Variants in HYDIN observed in about 807,000 individuals in gnomAD.
The protein encoded by HYDIN is HYDIN axonemal central pair apparatus protein.
In HYDIN, 132 loss-of-function variants were observed where a neutral mutation model predicts 403.9. The observed-to-expected ratio is 0.33, with a 90% CI of 0.28 to 0.38. The LOEUF (loss-of-function observed/expected upper bound fraction) is 0.38, where lower values mean the gene tolerates loss of function less well. HYDIN is among the 10% of genes least tolerant of loss of function. HYDIN has a pLI of 1.00. For missense variants in HYDIN, 2,827 were observed against 5,009.5 expected (o/e 0.56, Z 13.15); for synonymous variants, 1,202 against 1,891.7 (o/e 0.64, Z 9.46).
intron 78 of HYDIN, among the ~76,000 whole-genome samples, chr16:70,835,161 TA>T (rs1272617888): frequency 1.3e-5 from 2 of 151,652 alleles, no homozygotes; most frequent in African/African-American, 4.8e-5. Context: ...CATGCCTGGC[TA>T]ATTTTTTGTA....
In HYDIN at chr16:70,962,166, C is replaced by G. The variant is rs752104448; in HGVS notation, c.5789-28G>C. ...GCCAGGTAGCAAAGGATGAAAACAC[C>G]AGGGGAAGAGTTGGGAGGGGGACAA... On this transcript the variant is annotated intron_variant, in intron 37 of 85. Coordinates refer to ENST00000393567, the MANE Select transcript of HYDIN (RefSeq NM_001270974.2). 7.2e-5 allele frequency: 49 copies of G among 684,858 alleles called. No individual in the cohort carries two copies. The East Asian group carries it at 1.1e-3, about 16-fold the overall frequency. The allele number at this position is 684,858 out of a possible 1,614,324, so 42.4% of individuals were successfully genotyped here.
intron 83 of HYDIN, among the ~76,000 whole-genome samples, chr16:70,819,435 T>C (rs1432959857): frequency 6.6e-6 from 1 of 151,066 alleles, no homozygotes; most frequent in Non-Finnish European, 1.5e-5. Flanking sequence ...ATGAGGGAAC[T>C]GAGGCTTCGC....
chr16:71,068,172 A>C (rs6499428), intron 14 of HYDIN, among the ~76,000 whole-genome samples: 70,950 of 143,062 alleles, frequency 0.5, 21,581 homozygotes, highest in African/African-American at 0.84. Context: ...CTTTCAGAAG[A>C]CTTGTTATGA....
At chr16:71,011,210 G>C (rs2080071044) in intron 23 of HYDIN, among the ~76,000 whole-genome samples, 1 of 151,952 alleles carries the variant, frequency 6.6e-6, no homozygotes, top group Non-Finnish European at 1.5e-5. Flanking sequence ...GGAGTGCTTG[G>C]CATGTCTCAG....
At chr16:70,980,516 G>A (rs998522246) in intron 29 of HYDIN, among the ~76,000 whole-genome samples, 1 of 147,334 alleles carries the variant, frequency 6.8e-6, no homozygotes, top group African/African-American at 2.5e-5. Flanking sequence ...AAAAGAGACA[G>A]GGTCTTGCCT....
In HYDIN at chr16:70,834,152, C is replaced by T. The variant is rs551507837; in HGVS notation, c.13414G>A (p.Ala4472Thr). The T allele has an allele frequency of 1.5e-5, 24 of 1,613,838 alleles. No homozygotes were observed. Among genetic ancestry groups the T allele is most frequent in the South Asian group, 6.6e-5 (6 of 91,074 alleles). ...TTCAGTGTGATGTTGTGGAAGGGCGCCAGGGTAAGGACCTGAATGAAATAG... is the reference window on the plus strand; with the variant it reads ...TTCAGTGTGATGTTGTGGAAGGGCGTCAGGGTAAGGACCTGAATGAAATAG... ...ELQEPKVLTLAPFHNITLKPK... is the reference protein window; with the variant it reads ...ELQEPKVLTLTPFHNITLKPK... The change falls in exon 79 of 86, where the codon GCG becomes ACG. Residue 4472 changes from alanine (A) to threonine (T), a missense_variant. By Grantham distance (58) the Ala-to-Thr change is moderately conservative. Coordinates refer to ENST00000393567, the MANE Select transcript of HYDIN (RefSeq NM_001270974.2).
intron 10 of HYDIN, among the ~76,000 whole-genome samples, chr16:71,115,228 G>A (rs1030038306): frequency 7.2e-5 from 11 of 152,150 alleles, no homozygotes; most frequent in African/African-American, 2.2e-4. Flanking sequence ...GAGTTCTCAC[G>A]AGATCTGATG....
chr16:70,927,853 C>G (rs61482142), intron 45 of HYDIN, among the ~76,000 whole-genome samples: 4 of 151,638 alleles, frequency 2.6e-5, no homozygotes, highest in Non-Finnish European at 5.9e-5. Flanking sequence ...AACCTAGAGG[C>G]CTGCCTAGAA....
chr16:70,995,035 C>G (rs1450514448), intron 23 of HYDIN, among the ~76,000 whole-genome samples: 3 of 151,864 alleles, frequency 2.0e-5, no homozygotes, highest in Non-Finnish European at 4.4e-5. Flanking sequence ...GACAATGCTA[C>G]CTGGACAATT....
Position 70,818,285 on chromosome 16 carries a change from T to C in HYDIN, c.14658+57A>G, listed in dbSNP as rs559953512. On this transcript the variant is annotated intron_variant, in intron 84 of 85. Transcript: ENST00000393567. Reference sequence around the variant, plus strand: ...GCAGAGTGTGGATCCAGAGATCTCATGGGTGGAAGCCACTCTCACAGCTCT... The same window carrying C: ...GCAGAGTGTGGATCCAGAGATCTCACGGGTGGAAGCCACTCTCACAGCTCT... 37 of 1,100,328 alleles carry C rather than the reference T, an allele frequency of 3.4e-5. No homozygotes were observed. The African/African-American group carries it at 4.5e-4, about 13-fold the overall frequency. 68.2% of individuals were successfully genotyped at this position (1,100,328 alleles called of 1,614,324 possible). A position where few individuals can be genotyped will look rare whatever the true frequency, so the allele number is the denominator to read the frequency against.
chr16:70,866,973 C>T lies in HYDIN; in HGVS notation c.11311-644G>A, dbSNP rs576987198. Among the ~76,000 whole-genome samples, 500 of 145,986 alleles carry T rather than the reference C, an allele frequency of 3.4e-3. 4 individuals are homozygous for T. Among genetic ancestry groups the T allele is most frequent in the Non-Finnish European group, 2.6e-3 (173 of 67,210 alleles). Reference sequence around the variant, plus strand: ...CTAGGAGGTGGAGGTTGCAGTGAGCCGAGATTGTGTCACTGTATTCTGGCC... The same window carrying T: ...CTAGGAGGTGGAGGTTGCAGTGAGCTGAGATTGTGTCACTGTATTCTGGCC... On this transcript the variant is annotated intron_variant, in intron 66 of 85. Coordinates refer to ENST00000393567, the MANE Select transcript of HYDIN (RefSeq NM_001270974.2).
At position 71,174,190 on chromosome 16, in the gene HYDIN, A is replaced by G. The variant is rs147269055; in HGVS notation, c.516+1417T>C. On this transcript the variant is annotated intron_variant, in intron 5 of 85. Coordinates refer to ENST00000393567, the MANE Select transcript of HYDIN (RefSeq NM_001270974.2). ...CCTAACATATAAATGGTAATACTAC[A>G]AAGTGGCAAAATTATAGCAATGGTA... is the stretch of plus-strand genomic sequence containing the variant. Among the ~76,000 whole-genome samples, 15 of 152,370 alleles carry G rather than the reference A, an allele frequency of 9.8e-5. No individual in the cohort carries two copies. The East Asian group carries it at 2.7e-3, about 27-fold the overall frequency.
chr16:70,863,577 T>A (rs891639995), intron 67 of HYDIN, among the ~76,000 whole-genome samples: 1 of 152,052 alleles, frequency 6.6e-6, no homozygotes, highest in Non-Finnish European at 1.5e-5. Context: ...TCACCTCCCA[T>A]CAGAAACAAT....
chr16:70,956,170 C>T (rs2143934683), intron 39 of HYDIN, among the ~76,000 whole-genome samples: 1 of 151,852 alleles, frequency 6.6e-6, no homozygotes, highest in Admixed American at 6.6e-5. Context: ...TTTGTAGTTC[C>T]TCCTGTCTCT....
chr16:71,007,411 A>G (rs1402795162), intron 23 of HYDIN, among the ~76,000 whole-genome samples: 2 of 152,182 alleles, frequency 1.3e-5, no homozygotes, highest in African/African-American at 4.8e-5. Flanking sequence ...TATAAAATAG[A>G]TATATAGTAA....
intron 18 of HYDIN, among the ~76,000 whole-genome samples, chr16:71,051,203 A>G (rs1400976500): frequency 6.6e-6 from 1 of 152,236 alleles, no homozygotes; most frequent in African/African-American, 2.4e-5. Context: ...ATATTAACAG[A>G]TAAGGAAAAA....
chr16:71,013,527 GAGGGGAGT>G (rs1419376125), intron 23 of HYDIN, among the ~76,000 whole-genome samples: 7 of 152,176 alleles, frequency 4.6e-5, no homozygotes, highest in Admixed American at 1.3e-4. Context: ...CATGGCTACT[GAGGGGAGT>G]AGGAGCTGTG....
At chr16:71,116,074 A>G (rs377571511) in intron 9 of HYDIN, among the ~76,000 whole-genome samples, 3,032 of 152,112 alleles carry the variant, frequency 0.02, 79 homozygotes, top group African/African-American at 0.067. Flanking sequence ...ATACATTATT[A>G]TTAACTATAG....
chr16:71,213,039 T>C (rs532475275), intron 1 of HYDIN, among the ~76,000 whole-genome samples: 1 of 152,234 alleles, frequency 6.6e-6, no homozygotes, highest in South Asian at 2.1e-4. Context: ...TGCATTCAAA[T>C]GTAGTGAAAG....
Sources: gnomAD v4.1 joint callset for allele counts (sites outside exome capture counted in the v4.1 genomes callset) on GRCh38, gnomAD v4.1.1 for gene constraint, MANE v1.5 for transcripts, NCBI Gene and HGNC (gene_info 2026-07-23, HGNC 2026-07-21) for gene names.